Variants in RBFOX1 observed in about 807,000 individuals in gnomAD.
RBFOX1 encodes the protein RNA binding fox-1 homolog 1.
RBFOX1 carries 8 observed loss-of-function variants against 57.7 expected under a neutral mutation model. The observed-to-expected ratio is 0.14, with a 90% CI of 0.08 to 0.25. The LOEUF is 0.25. Ranked by LOEUF, RBFOX1 falls within the 10% of genes least tolerant of loss-of-function variation. The pLI is 1.00. For synonymous variants in RBFOX1, 326 were observed against 222.4 expected, an observed-to-expected ratio of 1.47 and a Z score of -4.15; for missense variants, 611 against 548.5, an observed-to-expected ratio of 1.11 and a Z score of -1.14.
In RBFOX1 at chr16:7,102,609, T is replaced by A. The variant is rs564990304; in HGVS notation, c.27+50511T>A. ...TAGGCAGTGATCGATTGATTGGGTCTGACATTGCACTTGTCACCTTGAAAT... is the reference window on the plus strand; with the variant it reads ...TAGGCAGTGATCGATTGATTGGGTCAGACATTGCACTTGTCACCTTGAAAT... On this transcript the variant is annotated intron_variant, in intron 4 of 15. Transcript: ENST00000550418. 7.2e-5 allele frequency among the ~76,000 whole-genome samples: 11 copies of A among 152,320 alleles called. No individual in the cohort carries two copies. The South Asian group carries it at 1.7e-3, about 23-fold the overall frequency.
At chr16:6,767,119 C>T (rs138826124) in intron 3 of RBFOX1, among the ~76,000 whole-genome samples, 1 of 152,100 alleles carries the variant, frequency 6.6e-6, no homozygotes, top group Non-Finnish European at 1.5e-5. Context: ...AGGGGACCAC[C>T]TCTCTTGCAT....
chr16:7,177,840 C>T (rs747620886), intron 4 of RBFOX1, among the ~76,000 whole-genome samples: 49 of 152,138 alleles, frequency 3.2e-4, no homozygotes, highest in Non-Finnish European at 4.7e-4. Context: ...GGCTGTATTC[C>T]GATAAAACTT....
intron 4 of RBFOX1, among the ~76,000 whole-genome samples, chr16:7,315,891 A>G (rs1000372406): frequency 2.6e-5 from 4 of 152,140 alleles, no homozygotes; most frequent in African/African-American, 4.8e-5. Context: ...GTTTACATAT[A>G]TCTTTGATGG....
chr16:5,479,097 C>T (rs146049440), intron 2 of RBFOX1, among the ~76,000 whole-genome samples: 99 of 152,290 alleles, frequency 6.5e-4, no homozygotes, highest in African/African-American at 2.3e-3. Context: ...GGGTGAGAGA[C>T]GGCTTATTCC....
intron 2 of RBFOX1, among the ~76,000 whole-genome samples, chr16:6,406,992 C>G (rs1402058492): frequency 2.0e-5 from 3 of 152,094 alleles, no homozygotes; most frequent in African/African-American, 7.2e-5. Flanking sequence ...TTATAGGGTT[C>G]TGGAGGTCCC....
intron 2 of RBFOX1, among the ~76,000 whole-genome samples, chr16:6,565,375 A>T (rs990477232): frequency 5.9e-5 from 9 of 151,928 alleles, no homozygotes; most frequent in African/African-American, 2.2e-4. Context: ...CTCCTGCCTC[A>T]GCCTCCCAAG....
intron 1 of RBFOX1, among the ~76,000 whole-genome samples, chr16:5,333,587 C>G (rs1405602227): frequency 1.3e-5 from 2 of 152,198 alleles, no homozygotes; most frequent in Non-Finnish European, 2.9e-5. Context: ...AGCTTCTCTC[C>G]TGGAGGCAAG....
At chr16:6,476,781 G>C (rs997416476) in intron 2 of RBFOX1, among the ~76,000 whole-genome samples, 6 of 152,222 alleles carry the variant, frequency 3.9e-5, no homozygotes, top group African/African-American at 1.2e-4. Flanking sequence ...TGCAGCACCT[G>C]ATGCTGTTTG....
chr16:7,056,928 A>G (rs1237391943), intron 4 of RBFOX1, among the ~76,000 whole-genome samples: 1 of 152,022 alleles, frequency 6.6e-6, no homozygotes, highest in Non-Finnish European at 1.5e-5. Context: ...CCACTTCTAA[A>G]TGCTCCTTAG....
chr16:6,047,781 C>T lies in RBFOX1; in HGVS notation c.-127+27789C>T, dbSNP rs577417832. 5.9e-5 allele frequency among the ~76,000 whole-genome samples: 9 copies of T among 152,284 alleles called. No individual in the cohort carries two copies. In the East Asian group the frequency reaches 1.7e-3, roughly 29 times the overall value. ...AGACTTGTTTTAAAGGTTTTTCACTCATTGACTAATTCCACACCAATCAGA... is the reference window on the plus strand; with the variant it reads ...AGACTTGTTTTAAAGGTTTTTCACTTATTGACTAATTCCACACCAATCAGA... On this transcript the variant is annotated intron_variant, in intron 1 of 15. Transcript: ENST00000550418.
chr16:6,738,001 A>T (rs532647711), intron 3 of RBFOX1, among the ~76,000 whole-genome samples: 59 of 151,968 alleles, frequency 3.9e-4, no homozygotes, highest in Non-Finnish European at 6.2e-4. Context: ...AACTATTGCC[A>T]CTGGGAATAA....
Position 6,210,599 on chromosome 16 carries a change from G to A in RBFOX1, c.-126-106396G>A, listed in dbSNP as rs2097289968. On this transcript the variant is annotated intron_variant, in intron 1 of 15. Coordinates refer to ENST00000550418, the MANE Select transcript of RBFOX1 (RefSeq NM_018723.4). ...TAGCTGGGTGAGATGGTGCATGTCT[G>A]TGGTCCCAACTACTTGGTAGGCTGA... Among the ~76,000 whole-genome samples, 3 of 152,078 alleles carry A rather than the reference G, an allele frequency of 2.0e-5. No individual in the cohort carries two copies. The South Asian group carries it at 6.2e-4, about 32-fold the overall frequency.
chr16:7,052,050 T>G lies in RBFOX1; in HGVS notation c.-15-7T>G. 1 of 1,612,618 alleles carries G rather than the reference T, an allele frequency of 6.2e-7. No individual in the cohort carries two copies. The highest frequency in any genetic ancestry group is 8.5e-7 in the Non-Finnish European group (1 of 1,179,460). ...GACTTTTCCCCTTCATTTTCTTTTC[T>G]TTCTAGGTTTCAAGACAACAGATGA... On this transcript the variant is annotated splice_region_variant and splice_polypyrimidine_tract_variant and intron_variant, in intron 3 of 15. Coordinates refer to ENST00000550418, the MANE Select transcript of RBFOX1 (RefSeq NM_018723.4).
intron 1 of RBFOX1, among the ~76,000 whole-genome samples, chr16:5,409,673 G>C (rs954668067): frequency 1.3e-5 from 2 of 152,164 alleles, no homozygotes; most frequent in African/African-American, 4.8e-5. Context: ...ATTCATTCCA[G>C]CCAGAGGAGA....
chr16:7,234,510 G>A (rs1484074984), intron 4 of RBFOX1, among the ~76,000 whole-genome samples: 1 of 151,854 alleles, frequency 6.6e-6, no homozygotes, highest in Non-Finnish European at 1.5e-5. Flanking sequence ...CTTCTACCAG[G>A]AATATAAGCA....
intron 3 of RBFOX1, among the ~76,000 whole-genome samples, chr16:6,890,258 C>G (rs376803869): frequency 2.6e-5 from 4 of 152,140 alleles, no homozygotes; most frequent in Admixed American, 1.3e-4. Context: ...GTAGCTCATG[C>G]CTGTAATCCT....
At chr16:7,162,029 T>C (rs753664162) in intron 4 of RBFOX1, among the ~76,000 whole-genome samples, 62 of 152,126 alleles carry the variant, frequency 4.1e-4, no homozygotes, top group South Asian at 1.7e-3. Flanking sequence ...GGGGCTGACA[T>C]TTACTGTAAC....
At chr16:5,682,748 G>T (rs1567391640) in intron 3 of RBFOX1, among the ~76,000 whole-genome samples, 1 of 152,142 alleles carries the variant, frequency 6.6e-6, no homozygotes, top group Non-Finnish European at 1.5e-5. Flanking sequence ...CTTCATCCTT[G>T]GCAGCCACAC....
chr16:5,281,739 C>T (rs1243932130), intron 1 of RBFOX1, among the ~76,000 whole-genome samples: 1 of 152,132 alleles, frequency 6.6e-6, no homozygotes, highest in Admixed American at 6.5e-5. Context: ...GTAAGTTTAA[C>T]TACTCATGAT....
Sources: allele counts gnomAD v4.1 joint callset (sites outside exome capture counted in the v4.1 genomes callset), GRCh38; gene constraint gnomAD v4.1.1; transcripts MANE v1.5; gene names NCBI Gene and HGNC (gene_info 2026-07-23, HGNC 2026-07-21).